The following MARK3 variants were observed in gnomAD, a reference collection of about 807,000 sequenced individuals.
The protein encoded by MARK3 is MAP/microtubule affinity-regulating kinase 3.
Under a neutral mutation model 90.1 loss-of-function variants are expected in MARK3, and 46 were observed. The ratio of observed to expected loss-of-function variants is 0.51; its 90% CI spans 0.40 to 0.65. The LOEUF is 0.65. Ranked by LOEUF, MARK3 falls within the 30% of genes least tolerant of loss-of-function variation. The pLI, the probability that MARK3 is intolerant of heterozygous loss-of-function variation, is 0.00. For missense variants in MARK3, 818 were observed against 947.2 expected (o/e 0.86, Z 1.79); for synonymous variants, 321 against 332.6 (o/e 0.97, Z 0.38).
intron 14 of MARK3, chr14:103,490,400 G>A (rs1018811637): frequency 1.3e-5 from 2 of 152,146 alleles, no homozygotes; most frequent in African/African-American, 4.8e-5. Context: ...ATACATCAGT[G>A]CGGGCCGGGT....
intron 5 of MARK3, among the ~76,000 whole-genome samples, chr14:103,453,116 A>G (rs1023010223): frequency 6.6e-6 from 1 of 152,206 alleles, no homozygotes; most frequent in African/African-American, 2.4e-5. Context: ...CTATTTGCCT[A>G]TGGTTTTGTA....
chr14:103,479,628 C>CTTTTTTTTTTTTTTTTT lies in MARK3; in HGVS notation c.1483-754_1483-738dup, dbSNP rs34768749. Among the ~76,000 whole-genome samples the CTTTTTTTTTTTTTTTTT allele has an allele frequency of 5.1e-5, 4 of 78,238 alleles. 2 individuals carry two copies. The highest frequency in any genetic ancestry group is 1.1e-4 in the African/African-American group (2 of 18,960). 51.3% of individuals were successfully genotyped at this position (78,238 alleles called of 152,430 possible). On this transcript the variant is annotated intron_variant, in intron 13 of 17. Coordinates refer to ENST00000429436, the MANE Select transcript of MARK3 (RefSeq NM_001128918.3). ...ATGTGTTTCTTGGCCATACGTATAG[C>CTTTTTTTTTTTTTTTTT]TTTTTTTTTTTTTTTTTTTTTGAGA...
intron 3 of MARK3, among the ~76,000 whole-genome samples, chr14:103,438,372 CACTCATCCAGTGAATAAGGGACTG>C (rs1194631126): frequency 6.6e-6 from 1 of 152,136 alleles, no homozygotes; most frequent in Admixed American, 6.5e-5. Flanking sequence ...GTGGTTTGTT[CACTCATCCAGTGAATAAGGGACTG>C]AACTAGCCTT....
intron 2 of MARK3, among the ~76,000 whole-genome samples, chr14:103,410,002 G>A (rs924550682): frequency 2.0e-5 from 3 of 152,080 alleles, no homozygotes; most frequent in Admixed American, 2.0e-4. Flanking sequence ...CTACTAAATT[G>A]GTTTTGAATA....
chr14:103,450,482 T>A (rs925852883), intron 4 of MARK3, among the ~76,000 whole-genome samples: 2 of 152,246 alleles, frequency 1.3e-5, no homozygotes, highest in Admixed American at 1.3e-4. Flanking sequence ...GATAATAAAT[T>A]GAACTTTTAA....
Position 103,412,640 on chromosome 14 carries a change from TAGTTCTTCA to T in MARK3, c.243+7376_243+7384del, listed in dbSNP as rs372235726. 784 of 1,038,104 alleles carry T rather than the reference TAGTTCTTCA, an allele frequency of 7.6e-4. 2 individuals carry two copies. The highest frequency in any genetic ancestry group is 6.4e-4 in the Non-Finnish European group (462 of 716,946). The allele number at this position is 1,038,104 out of a possible 1,614,324, so 64.3% of individuals were successfully genotyped here. ...GAAGCGCTTGTCCTTCTGGGGGTCA[TAGTTCTTCA>T]AGCTGATCTGCAACTCCACCATCTT... On this transcript the variant is annotated intron_variant, in intron 2 of 17. Coordinates refer to ENST00000429436, the MANE Select transcript of MARK3 (RefSeq NM_001128918.3).
At chr14:103,478,210 G>A (rs1339374155) in intron 13 of MARK3, among the ~76,000 whole-genome samples, 2 of 150,510 alleles carry the variant, frequency 1.3e-5, no homozygotes, top group Admixed American at 1.3e-4. Context: ...CAGGAGAATC[G>A]ATTGAACCCA....
At chr14:103,482,319 G>A (rs887660673) in intron 14 of MARK3, among the ~76,000 whole-genome samples, 10 of 151,336 alleles carry the variant, frequency 6.6e-5, no homozygotes, top group East Asian at 4.0e-4. Flanking sequence ...TCAGGAGTTC[G>A]TGACCAGCCT....
intron 15 of MARK3, among the ~76,000 whole-genome samples, chr14:103,496,090 C>T (rs979008968): frequency 2.0e-5 from 3 of 152,224 alleles, no homozygotes; most frequent in Non-Finnish European, 4.4e-5. Flanking sequence ...TGCAGAGTCA[C>T]CCATACCCTG....
At chr14:103,501,805 A>G (rs1203953695) in intron 17 of MARK3, among the ~76,000 whole-genome samples, 1 of 152,114 alleles carries the variant, frequency 6.6e-6, no homozygotes, top group Non-Finnish European at 1.5e-5. Context: ...TTTGTAACCC[A>G]TTTAGTATCT....
chr14:103,404,754 G>T (rs563851385), intron 1 of MARK3, among the ~76,000 whole-genome samples: 6 of 152,190 alleles, frequency 3.9e-5, no homozygotes, highest in African/African-American at 1.4e-4. Flanking sequence ...AGGTGTGCAG[G>T]TGCACTTACT....
At chr14:103,438,294 C>A (rs937943949) in intron 3 of MARK3, among the ~76,000 whole-genome samples, 1 of 152,144 alleles carries the variant, frequency 6.6e-6, no homozygotes, top group Non-Finnish European at 1.5e-5. Flanking sequence ...TGAGCCACCA[C>A]GCCAGGCCGA....
At position 103,465,698 on chromosome 14, in the gene MARK3, A is replaced by C; in HGVS notation, c.682A>C (p.Lys228Gln). The C allele has an allele frequency of 6.2e-7, 1 of 1,614,194 alleles. No individual in the cohort carries two copies. Among genetic ancestry groups the C allele is most frequent in the South Asian group, 1.1e-5 (1 of 91,086 alleles). The part of the protein sequence containing the change: ...YAAPELFQGK[K>Q]YDGPEVDVWS... ...AGCACCTGAGCTCTTCCAGGGCAAG[A>C]AATATGACGGGCCAGAAGTGGATGT... The change falls in exon 8 of 18, where the codon AAA becomes CAA. Residue 228 changes from lysine (K) to glutamine (Q), a missense_variant. This residue lies in a region of MARK3 where 101 missense variants were observed against 175.1 expected (regional missense o/e 0.58). Transcript: ENST00000429436.
At chr14:103,435,698 A>G (rs1413235177) in intron 3 of MARK3, among the ~76,000 whole-genome samples, 20 of 151,882 alleles carry the variant, frequency 1.3e-4, no homozygotes, top group Non-Finnish European at 1.5e-5. Flanking sequence ...GTGAGCCACC[A>G]CGCCCGGCCT....
At chr14:103,455,652 T>C (rs982851052) in intron 5 of MARK3, among the ~76,000 whole-genome samples, 3 of 151,074 alleles carry the variant, frequency 2.0e-5, no homozygotes, top group Non-Finnish European at 4.4e-5. Context: ...TGCTTGAACG[T>C]TGGAGGCAGA....
intron 1 of MARK3, among the ~76,000 whole-genome samples, chr14:103,399,430 T>G (rs1381496347): frequency 6.6e-6 from 1 of 151,784 alleles, no homozygotes; most frequent in African/African-American, 2.4e-5. Flanking sequence ...AAATTTGGGG[T>G]AGGGTGCGGT....
intron 3 of MARK3, among the ~76,000 whole-genome samples, chr14:103,434,626 G>T (rs1037148794): frequency 2.0e-5 from 3 of 152,138 alleles, no homozygotes; most frequent in African/African-American, 7.2e-5. Context: ...TCTCTGTGTG[G>T]CCTACACATC....
chr14:103,404,710 C>G (rs2091172541), intron 1 of MARK3, among the ~76,000 whole-genome samples: 1 of 152,140 alleles, frequency 6.6e-6, no homozygotes, highest in Admixed American at 6.6e-5. Context: ...GTGACATTAG[C>G]TTTTCCCCTG....
chr14:103,409,007 G>A (rs1406674763), intron 2 of MARK3, among the ~76,000 whole-genome samples: 2 of 152,112 alleles, frequency 1.3e-5, no homozygotes, highest in African/African-American at 4.8e-5. Flanking sequence ...CTACTTGCCA[G>A]CTTCCTCATG....
Sources: allele counts gnomAD v4.1 joint callset (sites outside exome capture counted in the v4.1 genomes callset), GRCh38; gene constraint gnomAD v4.1.1; regional missense constraint gnomAD v4.1.1; transcripts MANE v1.5; gene names NCBI Gene and HGNC (gene_info 2026-07-23, HGNC 2026-07-21).